TENT4A: variants seen among roughly 807,000 people sequenced by gnomAD.
The protein encoded by TENT4A is DNA polymerase kappa.
Under a neutral mutation model 72.8 loss-of-function variants are expected in TENT4A, and 7 were observed. The observed-to-expected ratio is 0.10, with a 90% CI of 0.05 to 0.18. TENT4A has a LOEUF of 0.18. Among genes scored for constraint, TENT4A ranks in the 10% least tolerant of loss-of-function variants. TENT4A has a pLI of 1.00. For missense variants in TENT4A, 831 were observed against 1,017.7 expected (o/e 0.82, Z 2.50); for synonymous variants, 456 against 434.3 (o/e 1.05, Z -0.62).
intron 1 of TENT4A, chr5:6,715,178 T>C (rs1740303642): frequency 6.6e-6 from 1 of 152,358 alleles, no homozygotes; most frequent in East Asian, 1.9e-4. Flanking sequence ...AACTTAGAGG[T>C]GATTCATTTT....
At chr5:6,751,844 A>G (rs1303708020) in intron 11 of TENT4A, among the ~76,000 whole-genome samples, 1 of 152,202 alleles carries the variant, frequency 6.6e-6, no homozygotes, top group Admixed American at 6.5e-5. Context: ...GCATAAAGCT[A>G]TGTAGGTACA....
At chr5:6,743,365 G>A (rs936797055) in intron 5 of TENT4A, among the ~76,000 whole-genome samples, 2 of 152,076 alleles carry the variant, frequency 1.3e-5, no homozygotes, top group Admixed American at 6.5e-5. Flanking sequence ...CTCCTGCTCC[G>A]GAGGCCCCCA....
chr5:6,728,507 C>T (rs1741054047), intron 1 of TENT4A, among the ~76,000 whole-genome samples: 1 of 152,132 alleles, frequency 6.6e-6, no homozygotes, highest in Non-Finnish European at 1.5e-5. Context: ...TTTTCAGGGG[C>T]CTTGCCTTTG....
intron 1 of TENT4A, among the ~76,000 whole-genome samples, chr5:6,726,920 C>T (rs774136114): frequency 2.0e-5 from 3 of 152,096 alleles, no homozygotes; most frequent in Non-Finnish European, 4.4e-5. Context: ...ACTTTGTTAC[C>T]GGTCCCATCT....
In TENT4A at chr5:6,755,893, G is replaced by C. The variant is rs551102447; in HGVS notation, c.*948G>C. 6.6e-6 allele frequency: 1 copy of C among 152,346 alleles called. No homozygotes were observed. Among genetic ancestry groups the C allele is most frequent in the Admixed American group, 6.5e-5 (1 of 15,302 alleles). 9.4% of individuals were successfully genotyped at this position (152,346 alleles called of 1,614,324 possible). A position where few individuals can be genotyped will look rare whatever the true frequency, so the allele number is the denominator to read the frequency against. ...GGTTGTCACATTATAAAATCTTTAG[G>C]AAAATGTGAACTGGAAAACGCTTCG... On this transcript the variant is annotated 3_prime_UTR_variant, in exon 13 of 13. Coordinates refer to ENST00000230859, the MANE Select transcript of TENT4A (RefSeq NM_006999.6).
chr5:6,723,531 C>A (rs1471273033), intron 1 of TENT4A, among the ~76,000 whole-genome samples: 1 of 152,182 alleles, frequency 6.6e-6, no homozygotes, highest in Non-Finnish European at 1.5e-5. Flanking sequence ...TCTGACGTGA[C>A]CTGGCAAGAG....
At chr5:6,717,771 C>T (rs969785955) in intron 1 of TENT4A, among the ~76,000 whole-genome samples, 3 of 152,236 alleles carry the variant, frequency 2.0e-5, no homozygotes, top group African/African-American at 7.2e-5. Context: ...GCATCCCAGC[C>T]TCTGGCTGCT....
At position 6,726,029 on chromosome 5, in the gene TENT4A, G is replaced by T. The variant is rs1385324158; in HGVS notation, c.716+11330G>T. On this transcript the variant is annotated intron_variant, in intron 1 of 12. Transcript: ENST00000230859. ...TTGGTTTGCTTGGGCTGTGTAGGTT[G>T]GAGGCTCAGCCTTTGTTTCTCCCTC... Among the ~76,000 whole-genome samples, 3 of 152,230 alleles carry T rather than the reference G, an allele frequency of 2.0e-5. No homozygotes were observed. The East Asian group carries it at 5.8e-4, about 29-fold the overall frequency.
chr5:6,747,154 GTC>G (rs1742148548), intron 7 of TENT4A, among the ~76,000 whole-genome samples: 1 of 152,168 alleles, frequency 6.6e-6, no homozygotes, highest in Non-Finnish European at 1.5e-5. Flanking sequence ...TTGATTGAGC[GTC>G]TGTTAGGTGA....
chr5:6,714,181 C>A lies in TENT4A; in HGVS notation c.198C>A (p.Pro66=). The A allele has an allele frequency of 1.0e-6, 1 of 957,110 alleles. No homozygotes were observed. Among genetic ancestry groups the A allele is most frequent in the Non-Finnish European group, 1.2e-6 (1 of 810,612 alleles). 59.3% of individuals were successfully genotyped at this position (957,110 alleles called of 1,614,324 possible). A position where few individuals can be genotyped will look rare whatever the true frequency, so the allele number is the denominator to read the frequency against. Residue 66 remains proline, a synonymous_variant, in exon 1 of 13, where the codon CCC becomes CCA. Coordinates refer to ENST00000230859, the MANE Select transcript of TENT4A (RefSeq NM_006999.6). ...GGCGGGGCAGTGGCGGCCTGGGCCC[C>A]GCGCTGCCCGCCGCGTCGCCCCCGC... The part of the protein sequence containing the change: ...AAGRGSGGLG[P]ALPAASPPPP...
intron 1 of TENT4A, among the ~76,000 whole-genome samples, chr5:6,724,231 G>T (rs752948894): frequency 1.3e-5 from 2 of 152,208 alleles, no homozygotes; most frequent in East Asian, 3.8e-4. Context: ...GAGGGCACTG[G>T]TATGTTGGAG....
In TENT4A at chr5:6,714,178, C is replaced by G; in HGVS notation, c.195C>G (p.Gly65=). The G allele has an allele frequency of 4.1e-6, 4 of 967,936 alleles. No individual in the cohort carries two copies. Among genetic ancestry groups the G allele is most frequent in the Non-Finnish European group, 4.9e-6 (4 of 819,894 alleles). 60.0% of individuals were successfully genotyped at this position (967,936 alleles called of 1,614,324 possible). The change falls in exon 1 of 13, where the codon GGC becomes GGG. Residue 65 remains glycine, a synonymous_variant. Transcript: ENST00000230859. The part of the protein sequence containing the change: ...GAAGRGSGGL[G]PALPAASPPP... ...CCGGGCGGGGCAGTGGCGGCCTGGG[C>G]CCCGCGCTGCCCGCCGCGTCGCCCC...
chr5:6,755,337 C>CT lies in TENT4A; in HGVS notation c.*395dup, dbSNP rs1446071319. On this transcript the variant is annotated 3_prime_UTR_variant, in exon 13 of 13. Coordinates refer to ENST00000230859, the MANE Select transcript of TENT4A (RefSeq NM_006999.6). ...AGGAGATCAAACCCCGTTCGTGTGTCTTTCCTCCACGGATAAGCTTGGGAG... is the reference window on the plus strand; with the variant it reads ...AGGAGATCAAACCCCGTTCGTGTGTCTTTTCCTCCACGGATAAGCTTGGGAG... 5.3e-5 allele frequency: 9 copies of CT among 168,622 alleles called. No individual in the cohort carries two copies. The highest frequency in any genetic ancestry group is 1.1e-4 in the Non-Finnish European group (9 of 79,100). 10.4% of individuals were successfully genotyped at this position (168,622 alleles called of 1,614,324 possible).
rs274707 is a variant in TENT4A at position 6,726,433 on chromosome 5, C to T, written c.717-11077C>T. Among the ~76,000 whole-genome samples the T allele has an allele frequency of 7.0e-3, 1,067 of 152,230 alleles. 30 individuals carry two copies. In the East Asian group the frequency reaches 0.083, roughly 12 times the overall value. Reference sequence around the variant, plus strand: ...CTTCTGGTGAGTTTCTTTGAGGCGACGCCCCCTGCGTTGCCTCTGGTCAGC... The same window carrying T: ...CTTCTGGTGAGTTTCTTTGAGGCGATGCCCCCTGCGTTGCCTCTGGTCAGC... On this transcript the variant is annotated intron_variant, in intron 1 of 12. Transcript: ENST00000230859.
chr5:6,737,028 C>T (rs1741544136), intron 1 of TENT4A, among the ~76,000 whole-genome samples: 2 of 152,224 alleles, frequency 1.3e-5, no homozygotes. Flanking sequence ...ACGTCTTTTT[C>T]CTGTTCACAT....
chr5:6,727,097 G>A (rs1579459431), intron 1 of TENT4A, among the ~76,000 whole-genome samples: 1 of 152,118 alleles, frequency 6.6e-6, no homozygotes, highest in Admixed American at 6.5e-5. Flanking sequence ...CTTTCTCGAT[G>A]TGTCCTTACT....
chr5:6,714,277 C>A lies in TENT4A; in HGVS notation c.294C>A (p.Gly98=), dbSNP rs964901897. 3.9e-5 allele frequency: 42 copies of A among 1,070,974 alleles called. No individual in the cohort carries two copies. Among genetic ancestry groups the A allele is most frequent in the African/African-American group, 6.8e-5 (4 of 58,434 alleles). The allele number at this position is 1,070,974 out of a possible 1,614,324, so 66.3% of individuals were successfully genotyped here. ...CGGCGCTGGGGCCCGCGGCCGAGGG[C>A]GCGCGGCGCTTGCACAAGTCGCCGT... ...LLTALGPAAE[G]ARRLHKSPSL... Residue 98 remains glycine (G), a synonymous_variant, in exon 1 of 13, where the codon GGC becomes GGA. Coordinates refer to ENST00000230859, the MANE Select transcript of TENT4A (RefSeq NM_006999.6).
At chr5:6,726,592 T>C (rs182400534) in intron 1 of TENT4A, among the ~76,000 whole-genome samples, 1 of 152,226 alleles carries the variant, frequency 6.6e-6, no homozygotes, top group African/African-American at 2.4e-5. Context: ...TTTTGTCGTG[T>C]GTGTTGAATG....
chr5:6,740,355 T>G (rs377137), intron 4 of TENT4A, among the ~76,000 whole-genome samples: 44,154 of 152,200 alleles, frequency 0.29, 6,873 homozygotes, highest in East Asian at 0.41. Context: ...TGAGACTGTT[T>G]CTGGTGTGTA....
Sources: allele counts gnomAD v4.1 joint callset (sites outside exome capture counted in the v4.1 genomes callset), GRCh38; gene constraint gnomAD v4.1.1; transcripts MANE v1.5; gene names NCBI Gene and HGNC (gene_info 2026-07-23, HGNC 2026-07-21).